The following AGBL1 variants were observed in gnomAD, a reference collection of about 807,000 sequenced individuals.
AGBL1 encodes the protein AGBL carboxypeptidase 1.
In AGBL1, 130 loss-of-function variants were observed where a neutral mutation model predicts 118.9. The ratio of observed to expected loss-of-function variants is 1.09; its 90% CI spans 0.95 to 1.26. The LOEUF (loss-of-function observed/expected upper bound fraction) is 1.26, where lower values mean the gene tolerates loss of function less well. AGBL1 is among the 50% of genes most tolerant of loss of function. The pLI is 0.00. For synonymous variants in AGBL1, 555 were observed against 478.9 expected, an observed-to-expected ratio of 1.16 and a Z score of -2.08; for missense variants, 1,584 against 1,298.1, an observed-to-expected ratio of 1.22 and a Z score of -3.38.
chr15:86,840,439 T>C (rs1245388427), intron 22 of AGBL1, among the ~76,000 whole-genome samples: 1 of 152,130 alleles, frequency 6.6e-6, no homozygotes, highest in Non-Finnish European at 1.5e-5. Flanking sequence ...TGTTCTATTC[T>C]TTTTATTTTA....
chr15:86,856,399 T>G (rs1220181965), intron 22 of AGBL1, among the ~76,000 whole-genome samples: 1 of 152,218 alleles, frequency 6.6e-6, no homozygotes, highest in Non-Finnish European at 1.5e-5. Flanking sequence ...AAAAAAACCT[T>G]ATCTACATTT....
At chr15:86,706,091 T>A (rs550169235) in intron 22 of AGBL1, among the ~76,000 whole-genome samples, 1 of 152,148 alleles carries the variant, frequency 6.6e-6, no homozygotes, top group Non-Finnish European at 1.5e-5. Context: ...AATTATTAAA[T>A]AACGTCTGCC....
intron 6 of AGBL1, among the ~76,000 whole-genome samples, chr15:86,237,605 T>C: frequency 6.6e-6 from 1 of 152,182 alleles, no homozygotes; most frequent in East Asian, 1.9e-4. Context: ...GAAGGGATAA[T>C]GGCTTGTCTT....
At chr15:86,133,194 G>A (rs74807032) in intron 1 of AGBL1, among the ~76,000 whole-genome samples, 1,927 of 152,198 alleles carry the variant, frequency 0.013, 24 homozygotes, top group East Asian at 0.061. Flanking sequence ...TTCTCTCCCT[G>A]TCTCCCTCTA....
At chr15:86,143,989 C>G (rs1020287066) in intron 3 of AGBL1, 144 bp downstream of exon 3, 1 of 1,061,846 alleles carries the variant, frequency 9.4e-7, no homozygotes, top group Admixed American at 2.8e-5. Flanking sequence ...ATGGCAGGAC[C>G]AGCCCCATAG....
intron 18 of AGBL1, among the ~76,000 whole-genome samples, chr15:86,445,075 C>T (rs190331910): frequency 6.6e-6 from 1 of 152,260 alleles, no homozygotes; most frequent in Admixed American, 6.5e-5. Flanking sequence ...TGTATTATTA[C>T]CGTGTGCATC....
chr15:86,471,597 T>C (rs2082480425), intron 18 of AGBL1, among the ~76,000 whole-genome samples: 1 of 152,108 alleles, frequency 6.6e-6, no homozygotes, highest in African/African-American at 2.4e-5. Context: ...CTCTTCAATT[T>C]TTTTGTATGT....
chr15:86,754,541 A>G (rs1369485240), intron 22 of AGBL1, among the ~76,000 whole-genome samples: 2 of 152,022 alleles, frequency 1.3e-5, no homozygotes, highest in South Asian at 2.1e-4. Context: ...GTGTCTGTCC[A>G]TGAGTCCAAA....
At chr15:86,771,872 A>AT (rs1369695949) in intron 22 of AGBL1, among the ~76,000 whole-genome samples, 6 of 151,944 alleles carry the variant, frequency 3.9e-5, no homozygotes, top group Admixed American at 2.0e-4. Flanking sequence ...AGGCTGCTGG[A>AT]TGGGGAAGTT....
intron 22 of AGBL1, among the ~76,000 whole-genome samples, chr15:86,751,016 A>C (rs776405775): frequency 7.2e-5 from 11 of 152,122 alleles, no homozygotes; most frequent in Non-Finnish European, 1.5e-4. Context: ...TATGTGTACC[A>C]CATTTTTTAA....
At chr15:87,009,470 A>G (rs58181871) in intron 24 of AGBL1, among the ~76,000 whole-genome samples, 15,083 of 152,210 alleles carry the variant, frequency 0.099, 1,334 homozygotes, top group African/African-American at 0.23. Context: ...CTCATGGAGA[A>G]CCTCTGCTAG....
intron 22 of AGBL1, among the ~76,000 whole-genome samples, chr15:86,905,272 G>A (rs1039838538): frequency 2.0e-5 from 3 of 152,194 alleles, no homozygotes; most frequent in Non-Finnish European, 4.4e-5. Flanking sequence ...ATGCAAGGCA[G>A]GACATTATTT....
At chr15:86,743,941 A>C (rs1311445549) in intron 22 of AGBL1, among the ~76,000 whole-genome samples, 1 of 152,156 alleles carries the variant, frequency 6.6e-6, no homozygotes, top group African/African-American at 2.4e-5. Flanking sequence ...GATATGGGTA[A>C]GTTAGGAAAA....
chr15:86,372,876 T>G (rs1216277396), intron 17 of AGBL1, among the ~76,000 whole-genome samples: 1 of 152,244 alleles, frequency 6.6e-6, no homozygotes. Context: ...CTCCCACCCT[T>G]GCTGCCCCTA....
intron 17 of AGBL1, among the ~76,000 whole-genome samples, chr15:86,360,081 A>G (rs2080780321): frequency 6.6e-6 from 1 of 151,942 alleles, no homozygotes; most frequent in Non-Finnish European, 1.5e-5. Context: ...ACTATGCTGA[A>G]TAGAGGTGGT....
rs397854465 is a variant in AGBL1, at chr15:86,095,647, C to CTTTT, written c.51+15649_51+15652dup. 3.9e-4 allele frequency among the ~76,000 whole-genome samples: 6 copies of CTTTT among 15,552 alleles called. 1 individual carries two copies. Among genetic ancestry groups the CTTTT allele is most frequent in the African/African-American group, 9.5e-4 (6 of 6,324 alleles). The allele number at this position is 15,552 out of a possible 152,430, so 10.2% of individuals were successfully genotyped here. A position where few individuals can be genotyped will look rare whatever the true frequency, so the allele number is the denominator to read the frequency against. On this transcript the variant is annotated intron_variant, in intron 1 of 22. Transcript: ENST00000614907. Reference sequence around the variant, plus strand: ...CATAATGTCACATGACCTTGGATACCTTTTTTTTTTTTTTTTTTTTTTTTT... The same window carrying CTTTT: ...CATAATGTCACATGACCTTGGATACCTTTTTTTTTTTTTTTTTTTTTTTTTTTTT...
intron 6 of AGBL1, among the ~76,000 whole-genome samples, chr15:86,225,443 C>T (rs28656095): frequency 0.35 from 52,571 of 151,944 alleles, 9,577 homozygotes; most frequent in Middle Eastern, 0.44. Flanking sequence ...AGGTGGAGTG[C>T]TGGGAATTGC....
At chr15:86,198,827 G>A (rs977385694) in intron 5 of AGBL1, among the ~76,000 whole-genome samples, 21 of 152,136 alleles carry the variant, frequency 1.4e-4, no homozygotes, top group Admixed American at 1.4e-3. Flanking sequence ...CTCTAGACTG[G>A]TGGGAAAATA....
intron 22 of AGBL1, among the ~76,000 whole-genome samples, chr15:86,862,571 A>G (rs1295255179): frequency 1.3e-5 from 2 of 152,104 alleles, no homozygotes; most frequent in Admixed American, 1.3e-4. Flanking sequence ...AATACAAAAA[A>G]TTAGCCGGGC....
Sources: allele counts gnomAD v4.1 joint callset (sites outside exome capture counted in the v4.1 genomes callset), GRCh38; gene constraint gnomAD v4.1.1; transcripts MANE v1.5; gene names NCBI Gene and HGNC (gene_info 2026-07-23, HGNC 2026-07-21).